Variants in ADIPOR2 observed in about 807,000 individuals in gnomAD.
ADIPOR2 encodes adiponectin receptor protein 2.
Under a neutral mutation model 40.9 loss-of-function variants are expected in ADIPOR2, and 18 were observed. That is an observed-to-expected ratio of 0.44 (90% CI 0.30 to 0.65). The LOEUF (loss-of-function observed/expected upper bound fraction) is 0.65, where lower values mean the gene tolerates loss of function less well. Ranked by LOEUF, ADIPOR2 falls within the 30% of genes least tolerant of loss-of-function variation. The probability of loss-of-function intolerance (pLI) is 0.09; values close to 1 mark genes in which losing one functional copy is unlikely to be tolerated. For missense variants in ADIPOR2, 283 were observed against 479.2 expected (o/e 0.59, Z 3.82); for synonymous variants, 165 against 166.4 (o/e 0.99, Z 0.06).
chr12:1,736,598 G>A (rs1164403216), intron 1 of ADIPOR2, among the ~76,000 whole-genome samples: 3 of 151,996 alleles, frequency 2.0e-5, no homozygotes, highest in Non-Finnish European at 2.9e-5. Flanking sequence ...GGGTTTTTTT[G>A]TGTCTCTATC....
intron 1 of ADIPOR2, among the ~76,000 whole-genome samples, chr12:1,694,391 A>C (rs184779092): frequency 1.3e-5 from 2 of 152,354 alleles, no homozygotes; most frequent in East Asian, 3.9e-4. Flanking sequence ...AGATGCTCAA[A>C]TCTCTGATAT....
At chr12:1,706,223 G>A (rs1416718976) in intron 1 of ADIPOR2, among the ~76,000 whole-genome samples, 2 of 152,166 alleles carry the variant, frequency 1.3e-5, no homozygotes, top group Admixed American at 6.5e-5. Context: ...CTTCTCATTG[G>A]TAAGTAGAGA....
intron 1 of ADIPOR2, among the ~76,000 whole-genome samples, chr12:1,753,560 G>A (rs1436209837): frequency 6.6e-6 from 1 of 152,172 alleles, no homozygotes; most frequent in Non-Finnish European, 1.5e-5. Flanking sequence ...TTAGAGTTCA[G>A]AATAACTCAA....
intron 2 of ADIPOR2, among the ~76,000 whole-genome samples, chr12:1,763,626 T>C (rs1238485954): frequency 3.9e-5 from 6 of 152,244 alleles, no homozygotes; most frequent in Non-Finnish European, 7.3e-5. Flanking sequence ...TTATAAAAAA[T>C]AGATTGGTGG....
At chr12:1,694,958 A>G (rs1279976704) in intron 1 of ADIPOR2, among the ~76,000 whole-genome samples, 1 of 149,556 alleles carries the variant, frequency 6.7e-6, no homozygotes, top group Non-Finnish European at 1.5e-5. Context: ...CCATATCAAT[A>G]TGTTGTTATT....
intron 1 of ADIPOR2, among the ~76,000 whole-genome samples, chr12:1,722,779 A>G (rs926682421): frequency 6.6e-6 from 1 of 152,236 alleles, no homozygotes; most frequent in Non-Finnish European, 1.5e-5. Flanking sequence ...CTCTCTACAA[A>G]TATTGAGGTA....
intron 1 of ADIPOR2, among the ~76,000 whole-genome samples, chr12:1,709,319 C>T (rs1301957111): frequency 4.6e-5 from 7 of 152,128 alleles, no homozygotes; most frequent in Non-Finnish European, 1.0e-4. Context: ...AAGTGTTGGA[C>T]ATCTTTTATT....
intron 6 of ADIPOR2, among the ~76,000 whole-genome samples, chr12:1,783,074 C>T (rs1371743517): frequency 1.4e-5 from 2 of 142,548 alleles, no homozygotes; most frequent in Non-Finnish European, 3.0e-5. Flanking sequence ...CTCAAGTGAT[C>T]TGCCTGCCTC....
intron 1 of ADIPOR2, among the ~76,000 whole-genome samples, chr12:1,694,253 A>G (rs2094633347): frequency 6.6e-6 from 1 of 152,210 alleles, no homozygotes; most frequent in South Asian, 2.1e-4. Flanking sequence ...ATTCTTAACA[A>G]TATGCTACAG....
At chr12:1,781,208 C>T in intron 6 of ADIPOR2, 132 bp downstream of exon 6, 2 of 1,016,146 alleles carry the variant, frequency 2.0e-6, no homozygotes, top group Non-Finnish European at 1.4e-6. Context: ...AATCATAGTT[C>T]CTATTGTTGG....
At chr12:1,724,854 C>A (rs942510225) in intron 1 of ADIPOR2, among the ~76,000 whole-genome samples, 5 of 152,080 alleles carry the variant, frequency 3.3e-5, no homozygotes, top group Non-Finnish European at 7.4e-5. Flanking sequence ...CCACTCCTGG[C>A]TAATTTTTAC....
chr12:1,694,836 A>AAAT (rs2094634758), intron 1 of ADIPOR2, among the ~76,000 whole-genome samples: 1 of 152,272 alleles, frequency 6.6e-6, no homozygotes, highest in East Asian at 1.9e-4. Flanking sequence ...CTTTAGATGT[A>AAAT]CAGAAATTTG....
intron 3 of ADIPOR2, among the ~76,000 whole-genome samples, chr12:1,777,611 ACCTTGG>A (rs1862625287): frequency 6.6e-6 from 1 of 152,068 alleles, no homozygotes; most frequent in Non-Finnish European, 1.5e-5. Flanking sequence ...TGATCCACCC[ACCTTGG>A]CCTCCCAGAG....
chr12:1,758,324 A>G (rs1413746732), intron 2 of ADIPOR2, among the ~76,000 whole-genome samples: 1 of 152,212 alleles, frequency 6.6e-6, no homozygotes, highest in Non-Finnish European at 1.5e-5. Context: ...GAACAAAAGA[A>G]CCATTTTTTC....
chr12:1,701,860 G>A (rs1282415652), intron 1 of ADIPOR2, among the ~76,000 whole-genome samples: 1 of 152,158 alleles, frequency 6.6e-6, no homozygotes, highest in African/African-American at 2.4e-5. Flanking sequence ...TGTGGCTTGA[G>A]CCTGTAATAT....
At chr12:1,722,679 G>T (rs1446238423) in intron 1 of ADIPOR2, among the ~76,000 whole-genome samples, 1 of 152,196 alleles carries the variant, frequency 6.6e-6, no homozygotes, top group Admixed American at 6.5e-5. Context: ...GTAAGGCCCA[G>T]ATTCGAATCT....
At chr12:1,761,787 C>A (rs1398677898) in intron 2 of ADIPOR2, among the ~76,000 whole-genome samples, 5 of 152,200 alleles carry the variant, frequency 3.3e-5, no homozygotes, top group South Asian at 2.1e-4. Flanking sequence ...CATCTTCCAT[C>A]TGGAATACAC....
intron 2 of ADIPOR2, among the ~76,000 whole-genome samples, chr12:1,767,269 C>CAAAAAAA (rs61401998): frequency 1.1e-5 from 1 of 87,468 alleles, no homozygotes; most frequent in Non-Finnish European, 2.3e-5. Flanking sequence ...AAGACTTCGT[C>CAAAAAAA]AAAAAAAAAA....
chr12:1,758,556 G>C (rs537888528), intron 2 of ADIPOR2, among the ~76,000 whole-genome samples: 1 of 152,162 alleles, frequency 6.6e-6, no homozygotes, highest in Non-Finnish European at 1.5e-5. Flanking sequence ...TCTATATGCA[G>C]TACTGTCCCT....
Sources: allele counts gnomAD v4.1 joint callset (sites outside exome capture counted in the v4.1 genomes callset), GRCh38; gene constraint gnomAD v4.1.1; transcripts MANE v1.5; gene names NCBI Gene and HGNC (gene_info 2026-07-23, HGNC 2026-07-21).